The following ARHGAP12 variants were observed in gnomAD, a reference collection of about 807,000 sequenced individuals.
The protein encoded by ARHGAP12 is Rho GTPase activating protein 12.
A neutral mutation model predicts 108.6 loss-of-function variants in ARHGAP12; 64 were observed. The ratio of observed to expected loss-of-function variants is 0.59; its 90% CI spans 0.48 to 0.73. The LOEUF (loss-of-function observed/expected upper bound fraction) is 0.73. ARHGAP12 is among the 30% of genes least tolerant of loss of function. The pLI is 0.00. For synonymous variants in ARHGAP12, 312 were observed against 337.2 expected, an observed-to-expected ratio of 0.93 and a Z score of 0.82; for missense variants, 940 against 1,005.9, an observed-to-expected ratio of 0.93 and a Z score of 0.89.
At chr10:31,910,019 A>G (rs1839282941) in intron 2 of ARHGAP12, among the ~76,000 whole-genome samples, 1 of 152,154 alleles carries the variant, frequency 6.6e-6, no homozygotes, top group Non-Finnish European at 1.5e-5. Context: ...AACACCAAGG[A>G]CTGCTGGCAA....
chr10:31,917,499 A>G (rs1223723764), intron 1 of ARHGAP12, among the ~76,000 whole-genome samples: 1 of 152,226 alleles, frequency 6.6e-6, no homozygotes, highest in Non-Finnish European at 1.5e-5. Context: ...GAAGAAAAAC[A>G]TTCACTTCAC....
rs768974025 is a variant in ARHGAP12 at position 31,808,661 on chromosome 10, C to T, written c.2354G>A (p.Arg785Gln). 23 of 1,613,164 alleles carry T rather than the reference C, an allele frequency of 1.4e-5. No individual in the cohort carries two copies. The highest frequency in any genetic ancestry group is 6.7e-5 in the Admixed American group (4 of 59,982). ...PNQDTMQILF[R>Q]HLRRVIENGE... ...GCAGTCCTCCTACCTTCTGAGATGT[C>T]GGAAAAGAATCTGCATTGTGTCTTG... Residue 785 changes from arginine (R) to glutamine (Q), a missense_variant, in exon 19 of 20, where the codon CGA becomes CAA. Physicochemically the swap from Arg to Gln is conservative, Grantham distance 43. Transcript: ENST00000344936.
chr10:31,868,369 G>C (rs902551029), intron 3 of ARHGAP12, among the ~76,000 whole-genome samples: 1 of 151,968 alleles, frequency 6.6e-6, no homozygotes, highest in African/African-American at 2.4e-5. Flanking sequence ...TATTATATAT[G>C]TTTTTTTCTA....
At chr10:31,918,483 A>G (rs1210070871) in intron 1 of ARHGAP12, among the ~76,000 whole-genome samples, 1 of 152,114 alleles carries the variant, frequency 6.6e-6, no homozygotes, top group Non-Finnish European at 1.5e-5. Context: ...CAGGAGGATC[A>G]CTTGAGCCCT....
rs539620395 is a variant in ARHGAP12 at position 31,812,007 on chromosome 10, C to A, written c.1951+700G>T. ...TGCGTGTTTTAATGCAGATGCTTCA[C>A]AAATAGATGGTCTTTGTTAGAAATT... On this transcript the variant is annotated intron_variant, in intron 15 of 19. Coordinates refer to ENST00000344936, the MANE Select transcript of ARHGAP12 (RefSeq NM_018287.7). Among the ~76,000 whole-genome samples, 4 of 152,248 alleles carry A rather than the reference C, an allele frequency of 2.6e-5. No individual in the cohort carries two copies. The South Asian group carries it at 8.3e-4, about 32-fold the overall frequency.
At chr10:31,897,255 T>A (rs1269427073) in intron 3 of ARHGAP12, among the ~76,000 whole-genome samples, 1 of 152,116 alleles carries the variant, frequency 6.6e-6, no homozygotes, top group Admixed American at 6.6e-5. Context: ...TACCAGAGCC[T>A]TATCTGACCT....
intron 9 of ARHGAP12, among the ~76,000 whole-genome samples, chr10:31,835,336 C>T (rs1458133682): frequency 6.6e-6 from 1 of 151,850 alleles, no homozygotes; most frequent in African/African-American, 2.4e-5. Context: ...TAAAAAATAT[C>T]TTAAGTCCCA....
chr10:31,893,916 A>G (rs1293662387), intron 3 of ARHGAP12, among the ~76,000 whole-genome samples: 1 of 152,230 alleles, frequency 6.6e-6, no homozygotes, highest in Non-Finnish European at 1.5e-5. Context: ...AGTGGGCTTC[A>G]TCCCTGGGAT....
chr10:31,824,358 T>C (rs952669897), intron 11 of ARHGAP12, among the ~76,000 whole-genome samples: 2 of 152,176 alleles, frequency 1.3e-5, no homozygotes, highest in Non-Finnish European at 2.9e-5. Context: ...TAAGATGTCA[T>C]TTGAAAGGTA....
intron 3 of ARHGAP12, among the ~76,000 whole-genome samples, chr10:31,882,104 C>T (rs1263462426): frequency 6.6e-6 from 1 of 151,760 alleles, no homozygotes; most frequent in Non-Finnish European, 1.5e-5. Context: ...TTAGTAGAGA[C>T]GGGGTTTCAC....
intron 1 of ARHGAP12, among the ~76,000 whole-genome samples, chr10:31,912,941 G>A (rs903769458): frequency 6.6e-6 from 1 of 152,138 alleles, no homozygotes; most frequent in African/African-American, 2.4e-5. Context: ...TAGACATATA[G>A]TTTACAAATA....
intron 9 of ARHGAP12, among the ~76,000 whole-genome samples, chr10:31,838,360 G>A (rs771802757): frequency 6.6e-6 from 1 of 152,112 alleles, no homozygotes; most frequent in Non-Finnish European, 1.5e-5. Flanking sequence ...GCCTTGTCAT[G>A]CTCATTAAGA....
chr10:31,875,316 A>C (rs1205025063), intron 3 of ARHGAP12, among the ~76,000 whole-genome samples: 1 of 152,224 alleles, frequency 6.6e-6, no homozygotes, highest in Non-Finnish European at 1.5e-5. Flanking sequence ...CTCAAAACTT[A>C]AAGTTTACCC....
chr10:31,861,328 C>G (rs761492865), intron 4 of ARHGAP12, 67 bp downstream of exon 4: 111 of 1,513,622 alleles, frequency 7.3e-5, no homozygotes, highest in Non-Finnish European at 9.6e-5. Flanking sequence ...CTATTTACTT[C>G]TTTGGTTTCT....
intron 7 of ARHGAP12, among the ~76,000 whole-genome samples, chr10:31,840,633 G>A (rs977916825): frequency 1.3e-5 from 2 of 152,008 alleles, no homozygotes; most frequent in African/African-American, 4.8e-5. Flanking sequence ...TATCATTCTA[G>A]TTTTCTATGT....
At chr10:31,928,036 G>A (rs1445698580) in intron 1 of ARHGAP12, among the ~76,000 whole-genome samples, 1 of 152,202 alleles carries the variant, frequency 6.6e-6, no homozygotes, top group East Asian at 1.9e-4. Context: ...GAAAGTGTCC[G>A]GTTTAAGGTC....
intron 7 of ARHGAP12, among the ~76,000 whole-genome samples, chr10:31,840,334 A>G (rs1041758641): frequency 5.3e-5 from 8 of 150,926 alleles, no homozygotes; most frequent in African/African-American, 1.9e-4. Flanking sequence ...CAAGAGTATC[A>G]TAAGACCAAA....
chr10:31,846,899 AT>A (rs377177944), intron 6 of ARHGAP12, among the ~76,000 whole-genome samples: 5,481 of 84,618 alleles, frequency 0.065, 137 homozygotes, highest in African/African-American at 0.22. Context: ...GGCACTGTTC[AT>A]TTTTTTTTTT....
chr10:31,912,203 T>C (rs1839381409), intron 1 of ARHGAP12, among the ~76,000 whole-genome samples: 1 of 152,218 alleles, frequency 6.6e-6, no homozygotes, highest in South Asian at 2.1e-4. Context: ...TGATTTTTTT[T>C]CCAGGAAAGT....
Sources: allele counts gnomAD v4.1 joint callset (sites outside exome capture counted in the v4.1 genomes callset), GRCh38; gene constraint gnomAD v4.1.1; transcripts MANE v1.5; gene names NCBI Gene and HGNC (gene_info 2026-07-23, HGNC 2026-07-21).